The following ZNF804A variants were observed in gnomAD, a reference collection of about 807,000 sequenced individuals.
ZNF804A encodes the protein zinc finger protein 804A.
In ZNF804A, 2 loss-of-function variants were observed where a neutral mutation model predicts 16.5. The observed-to-expected ratio is 0.12, with a 90% CI of 0.05 to 0.38. ZNF804A has a LOEUF of 0.38. Among genes scored for constraint, ZNF804A ranks in the 10% least tolerant of loss-of-function variants. ZNF804A has a pLI of 0.99. For missense variants in ZNF804A, 1,473 were observed against 1,390.7 expected, an observed-to-expected ratio of 1.06 and a Z score of -0.94; for synonymous variants, 534 against 489.6, an observed-to-expected ratio of 1.09 and a Z score of -1.20.
chr2:184,813,219 A>G (rs1183088397), intron 1 of ZNF804A, among the ~76,000 whole-genome samples: 1 of 152,160 alleles, frequency 6.6e-6, no homozygotes, highest in Non-Finnish European at 1.5e-5. Flanking sequence ...AAGGTAACTT[A>G]GTAGGCACTA....
At chr2:184,861,870 T>G (rs147225828) in intron 1 of ZNF804A, among the ~76,000 whole-genome samples, 1 of 152,308 alleles carries the variant, frequency 6.6e-6, no homozygotes, top group Non-Finnish European at 1.5e-5. Context: ...ACTGCCAAGT[T>G]GCTGTGGTCA....
chr2:184,688,387 G>A lies in ZNF804A; in HGVS notation c.111+89317G>A, dbSNP rs375941144. On this transcript the variant is annotated intron_variant, in intron 1 of 3. Transcript: ENST00000302277. ...GTGTGTGTGTACGTGTGTCTCCAAA[G>A]TATAGCAATACATTTTAATATTTGG... Among the ~76,000 whole-genome samples, 8 of 150,584 alleles carry A rather than the reference G, an allele frequency of 5.3e-5. No individual in the cohort carries two copies. The East Asian group carries it at 9.7e-4, about 18-fold the overall frequency.
In ZNF804A at chr2:184,937,602, C is replaced by A. The variant is rs750061553; in HGVS notation, c.2206C>A (p.His736Asn). The change falls in exon 4 of 4, where the codon CAC (histidine) becomes AAC (asparagine). Residue 736 changes from histidine (H) to asparagine (N), a missense_variant. Physicochemically the swap from His to Asn is moderately conservative, Grantham distance 68. Coordinates refer to ENST00000302277, the MANE Select transcript of ZNF804A (RefSeq NM_194250.2). Reference protein sequence around the residue: ...KTKMSSCSQDHRSLVLQNDMK... With the variant: ...KTKMSSCSQDNRSLVLQNDMK... ...CAAAATGTCAAGCTGTAGTCAGGAT[C>A]ACAGAAGCTTAGTTCTTCAAAATGA... The A allele has an allele frequency of 1.9e-6, 3 of 1,613,386 alleles. No individual in the cohort carries two copies. The highest frequency in any genetic ancestry group is 2.5e-6 in the Non-Finnish European group (3 of 1,179,804).
At chr2:184,665,857 T>A (rs531399375) in intron 1 of ZNF804A, among the ~76,000 whole-genome samples, 2 of 152,312 alleles carry the variant, frequency 1.3e-5, no homozygotes, top group East Asian at 3.9e-4. Flanking sequence ...GAGTCCCTCT[T>A]GTACTTTGAA....
intron 1 of ZNF804A, among the ~76,000 whole-genome samples, chr2:184,856,771 A>T (rs1255580987): frequency 6.6e-6 from 1 of 152,080 alleles, no homozygotes; most frequent in Non-Finnish European, 1.5e-5. Flanking sequence ...TATATGAAGG[A>T]CCCAGTGAAT....
chr2:184,937,374 C>T lies in ZNF804A; in HGVS notation c.1978C>T (p.Pro660Ser). The T allele has an allele frequency of 6.2e-7, 1 of 1,613,388 alleles. No homozygotes were observed. Among genetic ancestry groups the T allele is most frequent in the Non-Finnish European group, 8.5e-7 (1 of 1,179,740 alleles). Reference protein sequence around the residue: ...LDSHQLLDKRPKSESISLSDN... With the variant: ...LDSHQLLDKRSKSESISLSDN... ...CTCACATCAGTTACTTGATAAAAGG[C>T]CCAAATCAGAATCCATATCCTTAAG... is the stretch of plus-strand genomic sequence containing the variant. The change falls in exon 4 of 4, where the codon CCC becomes TCC. Residue 660 changes from proline to serine, a missense_variant. Transcript: ENST00000302277.
intron 1 of ZNF804A, among the ~76,000 whole-genome samples, chr2:184,854,959 A>G (rs6748925): frequency 6.6e-6 from 1 of 152,008 alleles, no homozygotes; most frequent in Admixed American, 6.6e-5. Context: ...TTTAAAAAAA[A>G]TGTGTTGATA....
At chr2:184,633,462 C>G (rs1401315377) in intron 1 of ZNF804A, among the ~76,000 whole-genome samples, 1 of 152,086 alleles carries the variant, frequency 6.6e-6, no homozygotes. Flanking sequence ...CAGTTTTCTA[C>G]TTAAATAAAC....
At chr2:184,740,459 A>G in intron 1 of ZNF804A, among the ~76,000 whole-genome samples, 1 of 152,194 alleles carries the variant, frequency 6.6e-6, no homozygotes, top group East Asian at 1.9e-4. Context: ...GCTGAAGAAC[A>G]TGTCTCAAAA....
At chr2:184,907,516 A>G (rs1685295908) in intron 2 of ZNF804A, among the ~76,000 whole-genome samples, 1 of 152,086 alleles carries the variant, frequency 6.6e-6, no homozygotes, top group Admixed American at 6.6e-5. Flanking sequence ...TATTGCTGAG[A>G]GCATTCCTTT....
chr2:184,813,583 T>A (rs1694931793), intron 1 of ZNF804A, among the ~76,000 whole-genome samples: 1 of 152,126 alleles, frequency 6.6e-6, no homozygotes, highest in Non-Finnish European at 1.5e-5. Context: ...AAGGCAGAGA[T>A]CCTTTCTATT....
intron 1 of ZNF804A, among the ~76,000 whole-genome samples, chr2:184,771,890 A>G (rs6716151): frequency 0.33 from 50,714 of 151,884 alleles, 11,845 homozygotes; most frequent in African/African-American, 0.67. Flanking sequence ...GCGATATAAC[A>G]TAATGTAATT....
intron 1 of ZNF804A, among the ~76,000 whole-genome samples, chr2:184,777,648 C>T (rs940646191): frequency 6.6e-6 from 1 of 151,526 alleles, no homozygotes; most frequent in East Asian, 1.9e-4. Flanking sequence ...TTTAAATAAG[C>T]TCCATATATC....
At chr2:184,760,033 G>T (rs995128942) in intron 1 of ZNF804A, among the ~76,000 whole-genome samples, 3 of 151,866 alleles carry the variant, frequency 2.0e-5, no homozygotes, top group Non-Finnish European at 4.4e-5. Context: ...TCCGCCCTTA[G>T]TAATGTCATC....
intron 1 of ZNF804A, among the ~76,000 whole-genome samples, chr2:184,604,136 A>T (rs12693383): frequency 0.55 from 71,268 of 128,844 alleles, 20,368 homozygotes; most frequent in East Asian, 0.83. Flanking sequence ...GTTATGGATG[A>T]CTGCAATTAC....
intron 1 of ZNF804A, among the ~76,000 whole-genome samples, chr2:184,610,616 A>C (rs1003683967): frequency 6.6e-6 from 1 of 152,180 alleles, no homozygotes; most frequent in African/African-American, 2.4e-5. Context: ...CCCCCAAGAA[A>C]GTATCAATGG....
intron 1 of ZNF804A, among the ~76,000 whole-genome samples, chr2:184,722,050 G>T (rs1164144135): frequency 1.3e-5 from 2 of 152,004 alleles, no homozygotes; most frequent in Non-Finnish European, 2.9e-5. Context: ...CATCGAGGTA[G>T]AGAGTGGAAT....
chr2:184,740,035 AACCATCTGTG>A (rs58843500), intron 1 of ZNF804A, among the ~76,000 whole-genome samples: 10,589 of 152,198 alleles, frequency 0.07, 1,257 homozygotes, highest in African/African-American at 0.24. Context: ...TATTTTAGTC[AACCATCTGTG>A]ACAATTTTGT....
chr2:184,906,173 A>T (rs1029032266), intron 2 of ZNF804A, among the ~76,000 whole-genome samples: 1 of 152,226 alleles, frequency 6.6e-6, no homozygotes, highest in Non-Finnish European at 1.5e-5. Flanking sequence ...TAAAGGATTC[A>T]TAAAATAATA....
Sources: allele counts gnomAD v4.1 joint callset (sites outside exome capture counted in the v4.1 genomes callset), GRCh38; gene constraint gnomAD v4.1.1; transcripts MANE v1.5; gene names NCBI Gene and HGNC (gene_info 2026-07-23, HGNC 2026-07-21).